Variants in NSG2 observed in about 807,000 individuals in gnomAD.
NSG2 encodes the protein neuronal vesicle trafficking-associated protein 2.
Under a neutral mutation model 16.9 loss-of-function variants are expected in NSG2, and 4 were observed. That is an observed-to-expected ratio of 0.24 (90% CI 0.12 to 0.54). The LOEUF (loss-of-function observed/expected upper bound fraction) is 0.54. NSG2 is among the 20% of genes least tolerant of loss of function. The probability of loss-of-function intolerance (pLI) is 0.95; values close to 1 mark genes in which losing one functional copy is unlikely to be tolerated. For synonymous variants in NSG2, 98 were observed against 88.7 expected, an observed-to-expected ratio of 1.11 and a Z score of -0.59; for missense variants, 179 against 221.1, an observed-to-expected ratio of 0.81 and a Z score of 1.21.
chr5:174,059,562 G>A (rs142270963), intron 2 of NSG2, among the ~76,000 whole-genome samples: 3 of 152,302 alleles, frequency 2.0e-5, no homozygotes, highest in African/African-American at 4.8e-5. Flanking sequence ...ATGTGTATCA[G>A]ATAGAAAGCT....
chr5:174,075,650 C>T (rs574436098), intron 3 of NSG2, among the ~76,000 whole-genome samples: 134 of 152,344 alleles, frequency 8.8e-4, no homozygotes, highest in African/African-American at 3.0e-3. Context: ...ATGCCACCTG[C>T]TCCGCAATCC....
intron 3 of NSG2, among the ~76,000 whole-genome samples, chr5:174,101,111 C>T (rs80165226): frequency 0.014 from 2,129 of 152,288 alleles, 25 homozygotes; most frequent in Non-Finnish European, 0.02. Flanking sequence ...GATGAGCCTG[C>T]GACTATAGGC....
chr5:174,064,179 A>G, intron 2 of NSG2, 53 bp from the exon 3 acceptor site: 1 of 1,276,318 alleles, frequency 7.8e-7, no homozygotes, highest in Non-Finnish European at 1.1e-6. Flanking sequence ...AAAAAAAGAA[A>G]GGAAAATGTT....
In NSG2 at chr5:174,064,246, A is replaced by G. The variant is rs1422449773; in HGVS notation, c.144A>G (p.Thr48=). The G allele has an allele frequency of 1.2e-6, 2 of 1,610,346 alleles. No individual in the cohort carries two copies. Among genetic ancestry groups the G allele is most frequent in the Admixed American group, 3.3e-5 (2 of 59,950 alleles). Residue 48 remains threonine (T), a synonymous_variant, in exon 3 of 5, where the codon ACA becomes ACG. Transcript: ENST00000303177. ...LPAPEKVIVK[T]RTEYQPEQKN... ...GACTCTTTCAGGTGATTGTGAAGACAAGAACGGAATATCAGCCGGAACAGA... is the reference window on the plus strand; with the variant it reads ...GACTCTTTCAGGTGATTGTGAAGACGAGAACGGAATATCAGCCGGAACAGA...
intron 4 of NSG2, among the ~76,000 whole-genome samples, chr5:174,106,690 G>A (rs1380836805): frequency 6.7e-6 from 1 of 148,436 alleles, no homozygotes; most frequent in African/African-American, 2.5e-5. Context: ...TGCCTCCTGG[G>A]TTCAAGCGAT....
chr5:174,082,783 G>A (rs1288485365), intron 3 of NSG2, among the ~76,000 whole-genome samples: 2 of 152,214 alleles, frequency 1.3e-5, no homozygotes, highest in African/African-American at 4.8e-5. Flanking sequence ...GTACTATGGG[G>A]TATGGGACAG....
chr5:174,058,509 A>G (rs1239625386), intron 2 of NSG2, among the ~76,000 whole-genome samples: 1 of 152,154 alleles, frequency 6.6e-6, no homozygotes, highest in Non-Finnish European at 1.5e-5. Context: ...GGGCTTGTAG[A>G]TGGAAAGAAG....
Position 174,108,796 on chromosome 5 carries a change from G to GA in NSG2, c.*1291_*1292insA, listed in dbSNP as rs1182906999. The GA allele has an allele frequency of 6.6e-6, 1 of 152,644 alleles. No homozygotes were observed. The highest frequency in any genetic ancestry group is 1.5e-5 in the Non-Finnish European group (1 of 68,066). 9.5% of individuals were successfully genotyped at this position (152,644 alleles called of 1,614,324 possible). On this transcript the variant is annotated 3_prime_UTR_variant, in exon 5 of 5. Transcript: ENST00000303177. Reference sequence around the variant, plus strand: ...GGACCCACAGGGCCAGAACCAGCTGGGAGAATTGGTTATTTGAGATGTGGT... The same window carrying GA: ...GGACCCACAGGGCCAGAACCAGCTGGAGAGAATTGGTTATTTGAGATGTGGT...
chr5:174,074,806 C>A (rs938430090), intron 3 of NSG2, among the ~76,000 whole-genome samples: 4 of 152,022 alleles, frequency 2.6e-5, no homozygotes, highest in African/African-American at 9.7e-5. Flanking sequence ...CCATTGCCAT[C>A]CATGTTTTCT....
chr5:174,074,716 TG>T (rs1760307099), intron 3 of NSG2, among the ~76,000 whole-genome samples: 1 of 152,160 alleles, frequency 6.6e-6, no homozygotes, highest in East Asian at 1.9e-4. Flanking sequence ...ACACTCCCAG[TG>T]TTCTGGGGCT....
At chr5:174,051,934 G>A (rs886543982) in intron 2 of NSG2, among the ~76,000 whole-genome samples, 1 of 152,162 alleles carries the variant, frequency 6.6e-6, no homozygotes, top group African/African-American at 2.4e-5. Context: ...CAAATGGTGG[G>A]GAGAGACTTA....
intron 3 of NSG2, chr5:174,066,224 C>T (rs927536642): frequency 4.4e-6 from 2 of 456,244 alleles, no homozygotes; most frequent in Non-Finnish European, 8.8e-6. Context: ...ACAGCACAGG[C>T]CCAGTGAAAG....
At chr5:174,067,573 C>A (rs1760164590) in intron 3 of NSG2, among the ~76,000 whole-genome samples, 1 of 152,152 alleles carries the variant, frequency 6.6e-6, no homozygotes, top group Admixed American at 6.5e-5. Flanking sequence ...GCACTTGAAG[C>A]AAAATGGGAG....
chr5:174,049,364 C>A (rs1037944974), intron 2 of NSG2, among the ~76,000 whole-genome samples: 2 of 151,738 alleles, frequency 1.3e-5, no homozygotes, highest in Non-Finnish European at 2.9e-5. Flanking sequence ...AACAAACAAA[C>A]AAAAAAACAA....
In NSG2 at chr5:174,103,788, C is replaced by G. The variant is rs369982542; in HGVS notation, c.214-440C>G. On this transcript the variant is annotated intron_variant, in intron 3 of 4. Coordinates refer to ENST00000303177, the MANE Select transcript of NSG2 (RefSeq NM_015980.5). Reference sequence around the variant, plus strand: ...ATGGTGAAACCCTGTCTCTACTAAACCCTGTCTCTACTAAAAAATACAAAA... The same window carrying G: ...ATGGTGAAACCCTGTCTCTACTAAAGCCTGTCTCTACTAAAAAATACAAAA... Among the ~76,000 whole-genome samples the G allele has an allele frequency of 2.0e-5, 3 of 151,932 alleles. No individual in the cohort carries two copies. The East Asian group carries it at 5.8e-4, about 29-fold the overall frequency.
intron 4 of NSG2, among the ~76,000 whole-genome samples, chr5:174,104,673 A>G (rs1460003287): frequency 2.6e-5 from 4 of 152,122 alleles, no homozygotes; most frequent in African/African-American, 9.7e-5. Context: ...TCCTGGCTCA[A>G]TGGCTGTTTG....
chr5:174,064,385 T>C, intron 3 of NSG2, 70 bp downstream of exon 3: 2 of 1,041,704 alleles, frequency 1.9e-6, no homozygotes, highest in South Asian at 3.1e-5. Flanking sequence ...GCACACCTCG[T>C]GCTTGGAGCA....
chr5:174,089,468 T>C (rs2113463966), intron 3 of NSG2, among the ~76,000 whole-genome samples: 1 of 152,168 alleles, frequency 6.6e-6, no homozygotes, highest in Middle Eastern at 3.4e-3. Flanking sequence ...GAAGTCAGGA[T>C]GCCACAGGGA....
At chr5:174,074,536 G>A (rs1294728089) in intron 3 of NSG2, among the ~76,000 whole-genome samples, 1 of 152,058 alleles carries the variant, frequency 6.6e-6, no homozygotes, top group East Asian at 1.9e-4. Context: ...ACCCCTTCAC[G>A]CAATATGAGA....
Sources: allele counts gnomAD v4.1 joint callset (sites outside exome capture counted in the v4.1 genomes callset), GRCh38; gene constraint gnomAD v4.1.1; transcripts MANE v1.5; gene names NCBI Gene and HGNC (gene_info 2026-07-23, HGNC 2026-07-21).